Variants in CMSS1 observed in about 807,000 individuals in gnomAD.
The protein encoded by CMSS1 is cms1 ribosomal small subunit homolog, also known as protein CMSS1.
Under a neutral mutation model 43.5 loss-of-function variants are expected in CMSS1, and 33 were observed. The ratio of observed to expected loss-of-function variants is 0.76; its 90% CI spans 0.57 to 1.01. CMSS1 has a LOEUF of 1.01. CMSS1 is among the 50% of genes least tolerant of loss of function. The probability of loss-of-function intolerance (pLI) is 0.00; values close to 1 mark genes in which losing one functional copy is unlikely to be tolerated. For synonymous variants in CMSS1, 115 were observed against 117.2 expected (o/e 0.98, Z 0.12); for missense variants, 313 against 326.4 (o/e 0.96, Z 0.32).
chr3:100,173,667 A>G (rs1016035779), intron 8 of CMSS1, among the ~76,000 whole-genome samples: 1 of 152,286 alleles, frequency 6.6e-6, no homozygotes, highest in East Asian at 1.9e-4. Flanking sequence ...AAGTGTGGGG[A>G]GGATTGAAAT....
intron 1 of CMSS1, among the ~76,000 whole-genome samples, chr3:100,135,800 T>C (rs2066748567): frequency 6.6e-6 from 1 of 152,112 alleles, no homozygotes; most frequent in Admixed American, 6.5e-5. Flanking sequence ...CATTTTTCTT[T>C]AGTTGTGTTT....
chr3:100,051,822 AAAAC>A (rs2065379027), intron 1 of CMSS1, among the ~76,000 whole-genome samples: 1 of 150,070 alleles, frequency 6.7e-6, no homozygotes, highest in African/African-American at 2.4e-5. Flanking sequence ...TATATTTCTA[AAAAC>A]AAACATTTTA....
At chr3:100,083,737 CTTTG>C (rs760641222) in intron 1 of CMSS1, among the ~76,000 whole-genome samples, 11 of 152,114 alleles carry the variant, frequency 7.2e-5, no homozygotes, top group Admixed American at 1.3e-4. Flanking sequence ...ATCACCATTT[CTTTG>C]TTTGTTTGTT....
chr3:99,826,740 T>C (rs945006644), intron 1 of CMSS1, among the ~76,000 whole-genome samples: 2 of 152,220 alleles, frequency 1.3e-5, no homozygotes, highest in African/African-American at 2.4e-5. Context: ...CAGTCACATA[T>C]CTGTTAAAAT....
At chr3:100,099,355 C>T (rs779795982) in intron 1 of CMSS1, among the ~76,000 whole-genome samples, 9 of 152,038 alleles carry the variant, frequency 5.9e-5, no homozygotes, top group Non-Finnish European at 1.2e-4. Flanking sequence ...CAGAATTATG[C>T]ATATGTGCAT....
intron 1 of CMSS1, among the ~76,000 whole-genome samples, chr3:99,991,064 A>G (rs1709496333): frequency 6.6e-6 from 1 of 152,186 alleles, no homozygotes; most frequent in East Asian, 1.9e-4. Flanking sequence ...CGTAAGGACA[A>G]ATGTCACTGG....
intron 1 of CMSS1, among the ~76,000 whole-genome samples, chr3:100,072,910 G>A (rs2065786363): frequency 6.6e-6 from 1 of 152,206 alleles, no homozygotes; most frequent in Admixed American, 6.5e-5. Flanking sequence ...CGCCAGAAGA[G>A]TGAACACTGA....
intron 1 of CMSS1, among the ~76,000 whole-genome samples, chr3:100,092,374 G>C (rs2066125222): frequency 6.6e-6 from 1 of 151,994 alleles, no homozygotes; most frequent in Non-Finnish European, 1.5e-5. Flanking sequence ...AAAGACAATG[G>C]TATACAAGAT....
intron 1 of CMSS1, among the ~76,000 whole-genome samples, chr3:99,993,830 G>C (rs549498908): frequency 2.0e-5 from 3 of 152,194 alleles, no homozygotes; most frequent in East Asian, 3.9e-4. Context: ...AATCGTACTT[G>C]ATCATGATAT....
At chr3:99,984,061 T>TC (rs1709258190) in intron 1 of CMSS1, among the ~76,000 whole-genome samples, 1 of 151,790 alleles carries the variant, frequency 6.6e-6, no homozygotes, top group African/African-American at 2.4e-5. Flanking sequence ...TATGTGTGTT[T>TC]GTGTGTGTGT....
intron 1 of CMSS1, among the ~76,000 whole-genome samples, chr3:99,872,599 C>T (rs1051065793): frequency 6.6e-6 from 1 of 152,012 alleles, no homozygotes; most frequent in African/African-American, 2.4e-5. Flanking sequence ...CATCATTCCC[C>T]AAGCTTGTTT....
chr3:99,936,768 G>A (rs1707689190), intron 1 of CMSS1, among the ~76,000 whole-genome samples: 1 of 151,552 alleles, frequency 6.6e-6, no homozygotes, highest in Non-Finnish European at 1.5e-5. Flanking sequence ...TGGCTCCAGA[G>A]CCTACTAAAT....
chr3:99,863,024 G>T (rs1944336099), intron 1 of CMSS1, among the ~76,000 whole-genome samples: 2 of 152,164 alleles, frequency 1.3e-5, no homozygotes. Context: ...GCTGGGTTTA[G>T]ATACTCATAG....
At chr3:99,933,883 G>GT (rs758947472) in intron 1 of CMSS1, among the ~76,000 whole-genome samples, 12 of 152,202 alleles carry the variant, frequency 7.9e-5, no homozygotes, top group Non-Finnish European at 8.8e-5. Context: ...ACATGTTAGT[G>GT]TTTAACAAAC....
chr3:100,064,577 C>A (rs1056835832), intron 1 of CMSS1, among the ~76,000 whole-genome samples: 1 of 152,242 alleles, frequency 6.6e-6, no homozygotes, highest in Admixed American at 6.5e-5. Flanking sequence ...CTTTAAGATC[C>A]TTTGGCTCTC....
intron 1 of CMSS1, among the ~76,000 whole-genome samples, chr3:100,093,898 A>G (rs534080264): frequency 6.6e-6 from 1 of 152,260 alleles, no homozygotes; most frequent in Non-Finnish European, 1.5e-5. Flanking sequence ...TTTTTTGGCT[A>G]TTACAAATAA....
At chr3:99,896,336 C>T (rs1042661344) in intron 1 of CMSS1, among the ~76,000 whole-genome samples, 5 of 152,158 alleles carry the variant, frequency 3.3e-5, no homozygotes, top group Admixed American at 6.5e-5. Context: ...TAATGTTAGC[C>T]ACATAATTGG....
rs1393788444 is a variant in CMSS1 at position 100,061,484 on chromosome 3, C to T, written c.65-85489C>T. Among the ~76,000 whole-genome samples the T allele has an allele frequency of 7.9e-5, 12 of 152,336 alleles. No individual in the cohort carries two copies. In the South Asian group the frequency reaches 2.3e-3, roughly 29 times the overall value. Reference sequence around the variant, plus strand: ...TTTACTTTCTTTCTCCTCCTACCCACATTTTCACTATTTTATTTCTTATTA... The same window carrying T: ...TTTACTTTCTTTCTCCTCCTACCCATATTTTCACTATTTTATTTCTTATTA... On this transcript the variant is annotated intron_variant, in intron 1 of 9. Transcript: ENST00000421999.
At chr3:100,137,493 G>A (rs886803836) in intron 1 of CMSS1, among the ~76,000 whole-genome samples, 1 of 151,892 alleles carries the variant, frequency 6.6e-6, no homozygotes, top group African/African-American at 2.4e-5. Context: ...CAAAATGAGA[G>A]GGGAAGATGT....
Sources: allele counts gnomAD v4.1 joint callset (sites outside exome capture counted in the v4.1 genomes callset), GRCh38; gene constraint gnomAD v4.1.1; transcripts MANE v1.5; gene names NCBI Gene and HGNC (gene_info 2026-07-23, HGNC 2026-07-21).